GRIN2B: variants seen among roughly 807,000 people sequenced by gnomAD.
The protein encoded by GRIN2B is glutamate receptor ionotropic, NMDA 2B.
GRIN2B carries 5 observed loss-of-function variants against 114.5 expected under a neutral mutation model. The ratio of observed to expected loss-of-function variants is 0.04; its 90% CI spans 0.02 to 0.09. GRIN2B has a LOEUF of 0.09. Ranked by LOEUF, GRIN2B falls within the 10% of genes least tolerant of loss-of-function variation. The probability of loss-of-function intolerance (pLI) is 1.00; values close to 1 mark genes in which losing one functional copy is unlikely to be tolerated. For synonymous variants in GRIN2B, 787 were observed against 745.1 expected (o/e 1.06, Z -0.92); for missense variants, 1,108 against 1,943.5 (o/e 0.57, Z 8.08).
chr12:13,807,648 G>A (rs1864629087), intron 3 of GRIN2B, among the ~76,000 whole-genome samples: 1 of 150,486 alleles, frequency 6.6e-6, no homozygotes, highest in Non-Finnish European at 1.5e-5. Context: ...CTGCAGAACA[G>A]GGCCTTTGAT....
At chr12:13,955,901 A>G (rs762620266) in intron 2 of GRIN2B, among the ~76,000 whole-genome samples, 2 of 152,204 alleles carry the variant, frequency 1.3e-5, no homozygotes, top group African/African-American at 2.4e-5. Flanking sequence ...CCCCAGCTGC[A>G]TGGTGGCACC....
At chr12:13,796,082 TAA>T (rs59852695) in intron 3 of GRIN2B, among the ~76,000 whole-genome samples, 1 of 141,254 alleles carries the variant, frequency 7.1e-6, no homozygotes. Context: ...AAAGTATAAT[TAA>T]AAAAAAAAAA....
chr12:13,834,851 C>A (rs73055660), intron 3 of GRIN2B, among the ~76,000 whole-genome samples: 23,921 of 152,234 alleles, frequency 0.16, 2,418 homozygotes, highest in Non-Finnish European at 0.22. Flanking sequence ...AAAAATAATT[C>A]TAATGCCCAA....
At chr12:13,567,394 A>C in intron 12 of GRIN2B, 131 bp from the exon 13 acceptor site, 1 of 678,696 alleles carries the variant, frequency 1.5e-6, no homozygotes, top group Non-Finnish European at 2.6e-6. Context: ...GGAGACAAAA[A>C]GAAAGGAAAT....
chr12:13,776,852 T>TCC (rs1864013441), intron 3 of GRIN2B, among the ~76,000 whole-genome samples: 1 of 152,168 alleles, frequency 6.6e-6, no homozygotes, highest in Non-Finnish European at 1.5e-5. Flanking sequence ...CCCCCAAAAC[T>TCC]TCTTAAAATT....
At chr12:13,780,720 G>A (rs983354587) in intron 3 of GRIN2B, among the ~76,000 whole-genome samples, 5 of 150,026 alleles carry the variant, frequency 3.3e-5, no homozygotes, top group Admixed American at 2.0e-4. Context: ...TCAAGAGTGA[G>A]AAATAATCTA....
chr12:13,616,707 A>T (rs756102141), intron 5 of GRIN2B, 50 bp from the exon 6 acceptor site: 2 of 1,402,740 alleles, frequency 1.4e-6, no homozygotes, highest in Non-Finnish European at 2.0e-6. Flanking sequence ...ACAACATAAC[A>T]AACAGCCTGT....
chr12:13,868,898 A>G (rs899739469), intron 2 of GRIN2B, among the ~76,000 whole-genome samples: 3 of 152,234 alleles, frequency 2.0e-5, no homozygotes, highest in Non-Finnish European at 4.4e-5. Flanking sequence ...TACTTTGAAT[A>G]CAAACTCAAT....
chr12:13,889,550 C>T (rs903592444), intron 2 of GRIN2B, among the ~76,000 whole-genome samples: 4 of 152,080 alleles, frequency 2.6e-5, no homozygotes, highest in African/African-American at 9.7e-5. Context: ...GTATTAAATA[C>T]CCATTTTGTA....
rs115120468 is a variant in GRIN2B, at chr12:13,963,872, C to T, written c.-19+16056G>A. ...CCAGGACTCAGCTGTCCTTGTAAGGCACTGCTTGGCACCCAGGACAAAATA... is the reference window on the plus strand; with the variant it reads ...CCAGGACTCAGCTGTCCTTGTAAGGTACTGCTTGGCACCCAGGACAAAATA... On this transcript the variant is annotated intron_variant, in intron 2 of 13. Transcript: ENST00000609686. Among the ~76,000 whole-genome samples the T allele has an allele frequency of 6.0e-3, 921 of 152,320 alleles. 8 individuals are homozygous for T. The highest frequency in any genetic ancestry group is 0.02 in the African/African-American group (843 of 41,580).
chr12:13,757,267 T>C (rs1029387615), intron 3 of GRIN2B, among the ~76,000 whole-genome samples: 2 of 152,208 alleles, frequency 1.3e-5, no homozygotes, highest in African/African-American at 4.8e-5. Context: ...TTATTATTCA[T>C]TTAGTTGACA....
At chr12:13,892,419 C>A (rs891808341) in intron 2 of GRIN2B, among the ~76,000 whole-genome samples, 5 of 152,154 alleles carry the variant, frequency 3.3e-5, no homozygotes, top group Non-Finnish European at 7.4e-5. Context: ...ATTTCAAATT[C>A]TCATAATGAA....
At chr12:13,651,485 C>A (rs1300202462) in intron 5 of GRIN2B, among the ~76,000 whole-genome samples, 1 of 152,048 alleles carries the variant, frequency 6.6e-6, no homozygotes, top group Admixed American at 6.6e-5. Context: ...GCACCACTAC[C>A]TTTATATTCA....
At chr12:13,922,892 T>G (rs146782161) in intron 2 of GRIN2B, among the ~76,000 whole-genome samples, 222 of 152,286 alleles carry the variant, frequency 1.5e-3, no homozygotes, top group African/African-American at 5.2e-3. Flanking sequence ...AAAAGGATGC[T>G]CTCTTCCTGG....
chr12:13,910,989 A>G (rs1381594518), intron 2 of GRIN2B, among the ~76,000 whole-genome samples: 1 of 152,032 alleles, frequency 6.6e-6, no homozygotes, highest in Non-Finnish European at 1.5e-5. Context: ...TTCAGTTTAC[A>G]CATCACCCTT....
chr12:13,875,511 G>A (rs1341468875), intron 2 of GRIN2B, among the ~76,000 whole-genome samples: 1 of 152,156 alleles, frequency 6.6e-6, no homozygotes, highest in African/African-American at 2.4e-5. Context: ...TGGTGACAGA[G>A]CAAGACTCTG....
At chr12:13,941,114 T>A (rs1591633126) in intron 2 of GRIN2B, among the ~76,000 whole-genome samples, 1 of 151,448 alleles carries the variant, frequency 6.6e-6, no homozygotes, top group African/African-American at 2.4e-5. Flanking sequence ...GATAGGAGGG[T>A]GGGTAGACAG....
At chr12:13,738,607 C>T (rs1024065587) in intron 4 of GRIN2B, among the ~76,000 whole-genome samples, 4 of 152,080 alleles carry the variant, frequency 2.6e-5, no homozygotes, top group African/African-American at 9.7e-5. Flanking sequence ...GTTCATAGCA[C>T]CAGTGGAAAT....
At chr12:13,585,918 C>T (rs546846359) in intron 10 of GRIN2B, among the ~76,000 whole-genome samples, 89 of 152,356 alleles carry the variant, frequency 5.8e-4, no homozygotes, top group African/African-American at 1.9e-3. Flanking sequence ...CAAGATACGG[C>T]AGACATTTCC....
Sources: allele counts gnomAD v4.1 joint callset (sites outside exome capture counted in the v4.1 genomes callset), GRCh38; gene constraint gnomAD v4.1.1; transcripts MANE v1.5; gene names NCBI Gene and HGNC (gene_info 2026-07-23, HGNC 2026-07-21).